Variants in ASB1 observed in about 807,000 individuals in gnomAD.
ASB1 encodes the protein ankyrin repeat and SOCS box containing 1, also known as ankyrin repeat and SOCS box protein 1.
Under a neutral mutation model 27.7 loss-of-function variants are expected in ASB1, and 18 were observed. That is an observed-to-expected ratio of 0.65 (90% CI 0.45 to 0.96). ASB1 has a LOEUF of 0.96. Ranked by LOEUF, ASB1 falls within the 50% of genes least tolerant of loss-of-function variation. ASB1 has a pLI of 0.00. For synonymous variants in ASB1, 189 were observed against 187.6 expected (o/e 1.01, Z -0.06); for missense variants, 397 against 451.7 (o/e 0.88, Z 1.10).
intron 3 of ASB1, among the ~76,000 whole-genome samples, chr2:238,442,478 G>T (rs1469372501): frequency 6.6e-6 from 1 of 152,102 alleles, no homozygotes; most frequent in Admixed American, 6.6e-5. Context: ...TACGTTAAGG[G>T]TATTAACCCT....
intron 3 of ASB1, among the ~76,000 whole-genome samples, chr2:238,443,774 CAG>C (rs1191215027): frequency 6.7e-6 from 1 of 149,066 alleles, no homozygotes; most frequent in African/African-American, 2.5e-5. Context: ...CAGAGATAAT[CAG>C]AGGATTTCCC....
intron 1 of ASB1, among the ~76,000 whole-genome samples, chr2:238,432,701 A>G (rs1353588934): frequency 6.6e-6 from 1 of 151,882 alleles, no homozygotes; most frequent in Non-Finnish European, 1.5e-5. Flanking sequence ...TATTTGCTAG[A>G]TTCTTTGATA....
At chr2:238,431,793 C>T (rs1040098471) in intron 1 of ASB1, among the ~76,000 whole-genome samples, 4 of 152,128 alleles carry the variant, frequency 2.6e-5, no homozygotes, top group East Asian at 1.9e-4. Context: ...ACACAGACCA[C>T]GTTGATGGAT....
intron 2 of ASB1, 35 bp downstream of exon 2, chr2:238,433,730 A>G (rs932300489): frequency 6.2e-7 from 1 of 1,606,884 alleles, no homozygotes; most frequent in Non-Finnish European, 8.5e-7. Context: ...TCCGGGTACT[A>G]GGGCCCTGAA....
chr2:238,441,137 ATT>A (rs35579640), intron 3 of ASB1, among the ~76,000 whole-genome samples: 23 of 141,846 alleles, frequency 1.6e-4, no homozygotes, highest in African/African-American at 1.8e-4. Context: ...TTTGCTTTCA[ATT>A]TTTTTTTTTT....
In ASB1 at chr2:238,446,401, C is replaced by T; in HGVS notation, c.898C>T (p.Leu300=). 4 of 1,609,784 alleles carry T rather than the reference C, an allele frequency of 2.5e-6. No individual in the cohort carries two copies. Among genetic ancestry groups the T allele is most frequent in the Non-Finnish European group, 3.4e-6 (4 of 1,177,842 alleles). ...KEARSVPRTL[L]CLCRVAVRRA... is the part of the protein sequence containing the mutation. ...GCCTTCAGGTGTTCCCAGAACCTTG[C>T]TGTGTCTGTGCCGTGTGGCTGTGAG... The change falls in exon 5 of 5, where the codon CTG becomes TTG. Residue 300 remains leucine, a synonymous_variant. Transcript: ENST00000264607.
At chr2:238,434,024 A>G (rs1701920831) in intron 2 of ASB1, among the ~76,000 whole-genome samples, 1 of 152,062 alleles carries the variant, frequency 6.6e-6, no homozygotes, top group Non-Finnish European at 1.5e-5. Context: ...GCCCTGCCCC[A>G]TCTTGGGTTT....
chr2:238,444,335 C>T lies in ASB1; in HGVS notation c.495-7C>T. On this transcript the variant is annotated splice_polypyrimidine_tract_variant and splice_region_variant and intron_variant, in intron 3 of 4. Coordinates refer to ENST00000264607, the MANE Select transcript of ASB1 (RefSeq NM_001040445.3). ...GCACAGTCTGACTTTCCCTTTCTTC[C>T]CTGCAGGTACGGGGCTGATGTTGAC... 6 of 1,595,528 alleles carry T rather than the reference C, an allele frequency of 3.8e-6. No homozygotes were observed. The highest frequency in any genetic ancestry group is 5.1e-6 in the Non-Finnish European group (6 of 1,166,726).
At chr2:238,439,364 C>G (rs906607266) in intron 3 of ASB1, among the ~76,000 whole-genome samples, 2 of 152,080 alleles carry the variant, frequency 1.3e-5, no homozygotes, top group African/African-American at 4.8e-5. Flanking sequence ...GTCCTCAGGC[C>G]TGTGCTTCCT....
Position 238,441,736 on chromosome 2 carries a change from G to T in ASB1, c.495-2606G>T, listed in dbSNP as rs576547359. On this transcript the variant is annotated intron_variant, in intron 3 of 4. Coordinates refer to ENST00000264607, the MANE Select transcript of ASB1 (RefSeq NM_001040445.3). Reference sequence around the variant, plus strand: ...TTCAGCCAGTCCCGTTAGTGGACACGTGGGTGGTTTACTGTCTCCAGCTGT... The same window carrying T: ...TTCAGCCAGTCCCGTTAGTGGACACTTGGGTGGTTTACTGTCTCCAGCTGT... 9.8e-5 allele frequency among the ~76,000 whole-genome samples: 15 copies of T among 152,366 alleles called. No homozygotes were observed. In the East Asian group the frequency reaches 2.7e-3, roughly 27 times the overall value.
intron 3 of ASB1, among the ~76,000 whole-genome samples, chr2:238,441,774 T>G (rs1043478074): frequency 6.6e-6 from 1 of 152,258 alleles, no homozygotes; most frequent in African/African-American, 2.4e-5. Flanking sequence ...GGGATGGTGC[T>G]TTAATGAATT....
At chr2:238,442,933 A>G (rs921661524) in intron 3 of ASB1, among the ~76,000 whole-genome samples, 1 of 152,126 alleles carries the variant, frequency 6.6e-6, no homozygotes, top group African/African-American at 2.4e-5. Flanking sequence ...CCACAGTTTT[A>G]TTTTTAGCCT....
chr2:238,431,957 A>G (rs1041953028), intron 1 of ASB1, among the ~76,000 whole-genome samples: 1 of 152,252 alleles, frequency 6.6e-6, no homozygotes, highest in African/African-American at 2.4e-5. Flanking sequence ...AAGACACAAA[A>G]TGGACACATC....
At chr2:238,444,143 G>A (rs189701530) in intron 3 of ASB1, among the ~76,000 whole-genome samples, 199 bp from the exon 4 acceptor site, 147 of 152,236 alleles carry the variant, frequency 9.7e-4, no homozygotes, top group Admixed American at 2.2e-3. Flanking sequence ...TTCTGTGTGC[G>A]GGGATTCCAA....
At chr2:238,428,521 T>C in intron 1 of ASB1, among the ~76,000 whole-genome samples, 1 of 152,218 alleles carries the variant, frequency 6.6e-6, no homozygotes, top group Non-Finnish European at 1.5e-5. Context: ...GATAGCGAAC[T>C]CTAGACCTCA....
In ASB1 at chr2:238,447,326, C is replaced by T. The variant is rs1009653951; in HGVS notation, c.*815C>T. On this transcript the variant is annotated 3_prime_UTR_variant, in exon 5 of 5. Transcript: ENST00000264607. ...GCCCGAGGCGCTGTCTTCTGTCCCCCACACGTACCAGAAAGTGAAAAATGC... is the reference window on the plus strand; with the variant it reads ...GCCCGAGGCGCTGTCTTCTGTCCCCTACACGTACCAGAAAGTGAAAAATGC... The T allele has an allele frequency of 3.9e-5, 6 of 152,800 alleles. No homozygotes were observed. Among genetic ancestry groups the T allele is most frequent in the East Asian group, 1.9e-4 (1 of 5,210 alleles). The allele number at this position is 152,800 out of a possible 1,614,324, so 9.5% of individuals were successfully genotyped here.
intron 3 of ASB1, among the ~76,000 whole-genome samples, chr2:238,441,675 G>A (rs1216689333): frequency 6.6e-6 from 1 of 152,216 alleles, no homozygotes; most frequent in Admixed American, 6.5e-5. Flanking sequence ...TTTCAGAGCT[G>A]CACAGCGTGG....
intron 3 of ASB1, among the ~76,000 whole-genome samples, chr2:238,442,872 A>G (rs376101540): frequency 2.7e-4 from 41 of 152,332 alleles, no homozygotes; most frequent in East Asian, 1.9e-3. Flanking sequence ...GCCCATTTCA[A>G]GATTTTCTGT....
intron 3 of ASB1, among the ~76,000 whole-genome samples, chr2:238,441,844 A>C (rs895952282): frequency 2.6e-5 from 4 of 152,250 alleles, no homozygotes; most frequent in Admixed American, 2.6e-4. Context: ...GATCCCGAGC[A>C]GTGTGATTGA....
Sources: gnomAD v4.1 joint callset for allele counts (sites outside exome capture counted in the v4.1 genomes callset) on GRCh38, gnomAD v4.1.1 for gene constraint, MANE v1.5 for transcripts, NCBI Gene and HGNC (gene_info 2026-07-23, HGNC 2026-07-21) for gene names.